UBXN2B: variants seen among roughly 807,000 people sequenced by gnomAD.
The protein encoded by UBXN2B is UBX domain protein 2B.
Under a neutral mutation model 37.5 loss-of-function variants are expected in UBXN2B, and 19 were observed. That is an observed-to-expected ratio of 0.51 (90% CI 0.35 to 0.74). UBXN2B has a LOEUF of 0.74. Among genes scored for constraint, UBXN2B ranks in the 30% least tolerant of loss-of-function variants. The probability of loss-of-function intolerance (pLI) is 0.01; values close to 1 mark genes in which losing one functional copy is unlikely to be tolerated. For synonymous variants in UBXN2B, 145 were observed against 143.8 expected, an observed-to-expected ratio of 1.01 and a Z score of -0.06; for missense variants, 370 against 393.2, an observed-to-expected ratio of 0.94 and a Z score of 0.50.
At chr8:58,438,030 G>T (rs1382572217) in intron 5 of UBXN2B, among the ~76,000 whole-genome samples, 1 of 150,852 alleles carries the variant, frequency 6.6e-6, no homozygotes, top group Non-Finnish European at 1.5e-5. Flanking sequence ...GGGCCCAGCT[G>T]CCCTGTGCAG....
intron 7 of UBXN2B, among the ~76,000 whole-genome samples, chr8:58,446,769 T>A (rs868338212): frequency 9.1e-5 from 12 of 132,102 alleles, no homozygotes; most frequent in Middle Eastern, 4.0e-3. Context: ...CCGAAAAAAG[T>A]ACAACCTGCA....
chr8:58,418,153 A>C (rs1247844304), intron 2 of UBXN2B, among the ~76,000 whole-genome samples: 1 of 151,438 alleles, frequency 6.6e-6, no homozygotes, highest in South Asian at 2.1e-4. Context: ...AGGCACAAGA[A>C]TCGCCTGATC....
In UBXN2B at chr8:58,432,138, G is replaced by C. The variant is rs534949837; in HGVS notation, c.340-1022G>C. Among the ~76,000 whole-genome samples, 4 of 152,008 alleles carry C rather than the reference G, an allele frequency of 2.6e-5. 1 individual carries two copies. In the South Asian group the frequency reaches 8.3e-4, roughly 32 times the overall value. ...TTTTTCTTTTATGGATCATGCTTTTGCTGTATTGTCTAAGAACTTTTTACT... is the reference window on the plus strand; with the variant it reads ...TTTTTCTTTTATGGATCATGCTTTTCCTGTATTGTCTAAGAACTTTTTACT... On this transcript the variant is annotated intron_variant, in intron 3 of 7. Transcript: ENST00000399598.
At chr8:58,440,735 G>A (rs745787327) in intron 6 of UBXN2B, among the ~76,000 whole-genome samples, 4 of 151,964 alleles carry the variant, frequency 2.6e-5, no homozygotes, top group African/African-American at 4.8e-5. Context: ...CAGTTGCCTC[G>A]TGTACACTGG....
At chr8:58,439,605 GA>G in intron 5 of UBXN2B, 27 bp from the exon 6 acceptor site, 6 of 1,586,844 alleles carry the variant, frequency 3.8e-6, no homozygotes, top group Non-Finnish European at 5.1e-6. Flanking sequence ...AAAACTTAAT[GA>G]TAACTTTTTT....
chr8:58,430,706 A>G lies in UBXN2B; in HGVS notation c.339+37A>G, dbSNP rs778169713. 8 of 1,344,462 alleles carry G rather than the reference A, an allele frequency of 6.0e-6. No homozygotes were observed. The South Asian group carries it at 9.4e-5, about 16-fold the overall frequency. 83.3% of individuals were successfully genotyped at this position (1,344,462 alleles called of 1,614,324 possible). ...ATTTTAAACTAAATACATTGTTTCTATATTTTACCTCCTCTTTCATTTTTC... is the reference window on the plus strand; with the variant it reads ...ATTTTAAACTAAATACATTGTTTCTGTATTTTACCTCCTCTTTCATTTTTC... On this transcript the variant is annotated intron_variant, in intron 3 of 7. Transcript: ENST00000399598.
chr8:58,418,565 G>A (rs776754496), intron 2 of UBXN2B, among the ~76,000 whole-genome samples: 6 of 151,986 alleles, frequency 3.9e-5, no homozygotes, highest in Non-Finnish European at 7.4e-5. Flanking sequence ...AATTTTTGTC[G>A]GGTATGCTAG....
Position 58,434,514 on chromosome 8 carries a change from A to T in UBXN2B, c.533+10A>T. ...AGTCTGTTAAGAGAGGGTAAGATGT[A>T]TTATTTGTATTCTATTTGTTATGTA... On this transcript the variant is annotated intron_variant, in intron 5 of 7. Coordinates refer to ENST00000399598, the MANE Select transcript of UBXN2B (RefSeq NM_001077619.2). The T allele has an allele frequency of 1.1e-5, 17 of 1,508,150 alleles. No homozygotes were observed. The highest frequency in any genetic ancestry group is 1.5e-5 in the Non-Finnish European group (17 of 1,120,250). 93.4% of individuals were successfully genotyped at this position (1,508,150 alleles called of 1,614,324 possible). A position where few individuals can be genotyped will look rare whatever the true frequency, so the allele number is the denominator to read the frequency against.
At chr8:58,440,648 T>C (rs932055529) in intron 6 of UBXN2B, among the ~76,000 whole-genome samples, 3 of 152,238 alleles carry the variant, frequency 2.0e-5, no homozygotes, top group African/African-American at 2.4e-5. Context: ...AATTGCCACA[T>C]TGGCAATGTT....
In UBXN2B at chr8:58,437,955, C is replaced by G. The variant is rs999001406; in HGVS notation, c.534-1678C>G. ...TTTCAGAGACCTTTAAGGCAGCCCC[C>G]CCCCCAACCCCCATCACAGGCCCAG... is the stretch of plus-strand genomic sequence containing the variant. On this transcript the variant is annotated intron_variant, in intron 5 of 7. Transcript: ENST00000399598. Among the ~76,000 whole-genome samples the G allele has an allele frequency of 2.0e-5, 3 of 151,516 alleles. No homozygotes were observed. The South Asian group carries it at 6.3e-4, about 32-fold the overall frequency.
rs1215487221 is a variant in UBXN2B, at chr8:58,450,652, A to G, written c.*3101A>G. 2 of 152,230 alleles carry G rather than the reference A, an allele frequency of 1.3e-5. No individual in the cohort carries two copies. Among genetic ancestry groups the G allele is most frequent in the Non-Finnish European group, 2.9e-5 (2 of 68,076 alleles). 9.4% of individuals were successfully genotyped at this position (152,230 alleles called of 1,614,324 possible). On this transcript the variant is annotated 3_prime_UTR_variant, in exon 8 of 8. Transcript: ENST00000399598. Reference sequence around the variant, plus strand: ...TCTTCCAGCCTCCACCTACTGCCCAATTCCAGAGCCACTTTTCTACTTTTA... The same window carrying G: ...TCTTCCAGCCTCCACCTACTGCCCAGTTCCAGAGCCACTTTTCTACTTTTA...
intron 2 of UBXN2B, among the ~76,000 whole-genome samples, chr8:58,429,214 C>T (rs1808184708): frequency 2.0e-5 from 3 of 151,752 alleles, no homozygotes; most frequent in South Asian, 2.1e-4. Flanking sequence ...TTCCATTCCT[C>T]GTTTCCAGGG....
In UBXN2B at chr8:58,441,310, G is replaced by GT. The variant is rs1166718236; in HGVS notation, c.671+1541dup. Reference sequence around the variant, plus strand: ...TGCCTGGCCAGGCTTCTCTCAAATTGTATAATATTATGTTTTTACTCCTCT... The same window carrying GT: ...TGCCTGGCCAGGCTTCTCTCAAATTGTTATAATATTATGTTTTTACTCCTCT... On this transcript the variant is annotated intron_variant, in intron 6 of 7. Coordinates refer to ENST00000399598, the MANE Select transcript of UBXN2B (RefSeq NM_001077619.2). 1.2e-4 allele frequency among the ~76,000 whole-genome samples: 16 copies of GT among 130,174 alleles called. No homozygotes were observed. The South Asian group carries it at 1.5e-3, about 12-fold the overall frequency. The allele number at this position is 130,174 out of a possible 152,430, so 85.4% of individuals were successfully genotyped here.
At chr8:58,416,781 A>G (rs1035128058) in intron 1 of UBXN2B, 69 bp from the exon 2 acceptor site, 16 of 1,390,606 alleles carry the variant, frequency 1.2e-5, no homozygotes, top group Admixed American at 1.0e-4. Context: ...TGTTCTATAC[A>G]TAACTTCTAG....
At chr8:58,430,164 T>A (rs1348911017) in intron 2 of UBXN2B, among the ~76,000 whole-genome samples, 1 of 152,182 alleles carries the variant, frequency 6.6e-6, no homozygotes, top group African/African-American at 2.4e-5. Context: ...GAAGGGACTA[T>A]CTTTTGACTG....
chr8:58,437,927 G>T (rs1037043394), intron 5 of UBXN2B, among the ~76,000 whole-genome samples: 4 of 150,538 alleles, frequency 2.7e-5, no homozygotes, highest in Non-Finnish European at 4.4e-5. Flanking sequence ...AGCCTTGAAG[G>T]CATTTCAGAG....
In UBXN2B at chr8:58,416,921, A is replaced by C. The variant is rs753819344; in HGVS notation, c.156A>C (p.Thr52=). 2 of 1,611,090 alleles carry C rather than the reference A, an allele frequency of 1.2e-6. No individual in the cohort carries two copies. The highest frequency in any genetic ancestry group is 2.7e-5 in the African/African-American group (2 of 74,882). Residue 52 remains threonine, a synonymous_variant, in exon 2 of 8, where the codon ACA becomes ACC. Coordinates refer to ENST00000399598, the MANE Select transcript of UBXN2B (RefSeq NM_001077619.2). ...CCAAGTCTAATAGACCTAAAGCCAC[A>C]GTCTTCAAGAGCCCACGGACACCAC... ...KSSKSNRPKA[T]VFKSPRTPPQ... is the part of the protein sequence containing the mutation.
chr8:58,412,803 G>T (rs1186970484), intron 1 of UBXN2B, among the ~76,000 whole-genome samples: 2 of 152,180 alleles, frequency 1.3e-5, no homozygotes, highest in East Asian at 3.8e-4. Context: ...GGTGCTGGTG[G>T]TGGTGTAAGG....
chr8:58,412,901 T>A (rs966427722), intron 1 of UBXN2B, among the ~76,000 whole-genome samples: 2 of 152,248 alleles, frequency 1.3e-5, no homozygotes, highest in African/African-American at 4.8e-5. Flanking sequence ...TCCTTTTTCC[T>A]CAGGAGAAAG....
Sources: gnomAD v4.1 joint callset for allele counts (sites outside exome capture counted in the v4.1 genomes callset) on GRCh38, gnomAD v4.1.1 for gene constraint, MANE v1.5 for transcripts, NCBI Gene and HGNC (gene_info 2026-07-23, HGNC 2026-07-21) for gene names.